CHRM3: variants seen among roughly 807,000 people sequenced by gnomAD.
CHRM3 encodes the protein muscarinic acetylcholine receptor M3.
A neutral mutation model predicts 41.8 loss-of-function variants in CHRM3; 11 were observed. The ratio of observed to expected loss-of-function variants is 0.26; its 90% CI spans 0.17 to 0.44. The LOEUF (loss-of-function observed/expected upper bound fraction) is 0.44, where lower values mean the gene tolerates loss of function less well. Ranked by LOEUF, CHRM3 falls within the 20% of genes least tolerant of loss-of-function variation. The probability of loss-of-function intolerance (pLI) is 1.00; values close to 1 mark genes in which losing one functional copy is unlikely to be tolerated. For missense variants in CHRM3, 571 were observed against 745.4 expected (o/e 0.77, Z 2.72); for synonymous variants, 297 against 301.4 (o/e 0.99, Z 0.15).
intron 6 of CHRM3, among the ~76,000 whole-genome samples, chr1:239,852,830 T>C (rs918317408): frequency 1.3e-5 from 2 of 152,154 alleles, no homozygotes; most frequent in East Asian, 3.9e-4. Context: ...TTACACTTAA[T>C]AGTATTATTA....
chr1:239,597,400 C>A (rs1157030462), intron 3 of CHRM3, among the ~76,000 whole-genome samples: 5 of 152,136 alleles, frequency 3.3e-5, no homozygotes, highest in Non-Finnish European at 7.3e-5. Flanking sequence ...CAGTAGCTAA[C>A]CTGTAGCAGA....
At chr1:239,867,702 C>A (rs1359627007) in intron 6 of CHRM3, among the ~76,000 whole-genome samples, 1 of 144,084 alleles carries the variant, frequency 6.9e-6, no homozygotes, top group Non-Finnish European at 1.5e-5. Flanking sequence ...AAAAAAAAGT[C>A]GTGTCCAGGT....
At chr1:239,513,274 T>C (rs887918077) in intron 2 of CHRM3, among the ~76,000 whole-genome samples, 2 of 152,192 alleles carry the variant, frequency 1.3e-5, no homozygotes, top group Non-Finnish European at 2.9e-5. Context: ...CCTTTTAAAA[T>C]TTTGTCTTTG....
chr1:239,673,442 A>G (rs1657616966), intron 4 of CHRM3, among the ~76,000 whole-genome samples: 1 of 152,212 alleles, frequency 6.6e-6, no homozygotes, highest in Non-Finnish European at 1.5e-5. Context: ...CCCTCCTCCA[A>G]TATCAAATAG....
intron 3 of CHRM3, among the ~76,000 whole-genome samples, chr1:239,583,507 CAG>C (rs982087840): frequency 6.6e-6 from 1 of 152,124 alleles, no homozygotes; most frequent in African/African-American, 2.4e-5. Context: ...GACGTCGACA[CAG>C]AGAGCTATGG....
intron 5 of CHRM3, among the ~76,000 whole-genome samples, chr1:239,679,287 C>CCTGCCT (rs1658327629): frequency 6.6e-6 from 1 of 152,106 alleles, no homozygotes; most frequent in African/African-American, 2.4e-5. Context: ...TAACAACTCA[C>CCTGCCT]CTGCCTCTGC....
chr1:239,443,761 A>G (rs1430024265), intron 1 of CHRM3, among the ~76,000 whole-genome samples: 1 of 152,198 alleles, frequency 6.6e-6, no homozygotes, highest in African/African-American at 2.4e-5. Flanking sequence ...ACTTTTCTTC[A>G]TTTTAGCATT....
chr1:239,770,087 T>C (rs1667537485), intron 5 of CHRM3, among the ~76,000 whole-genome samples: 1 of 152,188 alleles, frequency 6.6e-6, no homozygotes, highest in South Asian at 2.1e-4. Context: ...ACAAAAGCTC[T>C]ATATCAAAAT....
At chr1:239,518,563 T>C (rs1031223951) in intron 2 of CHRM3, among the ~76,000 whole-genome samples, 1 of 152,226 alleles carries the variant, frequency 6.6e-6, no homozygotes. Flanking sequence ...TCAATTTTTC[T>C]ATAGGCTTGA....
intron 1 of CHRM3, among the ~76,000 whole-genome samples, chr1:239,390,136 T>C (rs541730229): frequency 5.3e-5 from 8 of 152,248 alleles, no homozygotes; most frequent in Non-Finnish European, 1.2e-4. Context: ...CATAAGACTA[T>C]TGTAAAAGGT....
intron 5 of CHRM3, among the ~76,000 whole-genome samples, chr1:239,749,385 A>T (rs1223154898): frequency 6.6e-6 from 1 of 152,070 alleles, no homozygotes; most frequent in Non-Finnish European, 1.5e-5. Context: ...CTTGGAGGGT[A>T]GGTTGGGCAC....
chr1:239,543,257 G>A (rs1337187358), intron 2 of CHRM3, among the ~76,000 whole-genome samples: 1 of 152,140 alleles, frequency 6.6e-6, no homozygotes, highest in Non-Finnish European at 1.5e-5. Context: ...TTGTGGGCCC[G>A]ACATGAAGTG....
chr1:239,802,287 T>C (rs183491618), intron 5 of CHRM3, among the ~76,000 whole-genome samples: 4 of 152,290 alleles, frequency 2.6e-5, no homozygotes, highest in Admixed American at 1.3e-4. Context: ...GCATGTGCCA[T>C]AGAAAAAAAT....
Position 239,907,425 on chromosome 1 carries a change from T to C in CHRM3, c.-19-8T>C, listed in dbSNP as rs201920728. ...TTTCTAACTCTGTCTCTTCTCTCTT[T>C]CCCCCAGACTATGTCAGAGAGTCAC... On this transcript the variant is annotated splice_region_variant and splice_polypyrimidine_tract_variant and intron_variant, in intron 6 of 6. Transcript: ENST00000676153. This position sits in a 1 kb window ranked among gnomAD's most constrained non-coding sequence, Gnocchi z 5.4. The C allele has an allele frequency of 1.3e-6, 2 of 1,582,062 alleles. No individual in the cohort carries two copies. Among genetic ancestry groups the C allele is most frequent in the South Asian group, 2.3e-5 (2 of 87,198 alleles).
chr1:239,537,557 C>T (rs1360473831), intron 2 of CHRM3, among the ~76,000 whole-genome samples: 1 of 152,132 alleles, frequency 6.6e-6, no homozygotes, highest in Non-Finnish European at 1.5e-5. Flanking sequence ...TTTGGAGGGA[C>T]CTCCAAACTC....
chr1:239,440,389 G>A (rs1663622675), intron 1 of CHRM3, among the ~76,000 whole-genome samples: 1 of 152,146 alleles, frequency 6.6e-6, no homozygotes, highest in Non-Finnish European at 1.5e-5. Flanking sequence ...TTGGGTGGCT[G>A]AGGCCGATGG....
intron 2 of CHRM3, among the ~76,000 whole-genome samples, chr1:239,542,457 A>T (rs879143161): frequency 6.6e-6 from 1 of 152,136 alleles, no homozygotes; most frequent in Admixed American, 6.5e-5. Context: ...TTGGTTGGAG[A>T]TTAGTATTAG....
At chr1:239,728,190 T>C (rs1021963080) in intron 5 of CHRM3, among the ~76,000 whole-genome samples, 4 of 152,112 alleles carry the variant, frequency 2.6e-5, no homozygotes, top group East Asian at 2.0e-4. Context: ...GGAGCAAATA[T>C]GCTTCACTCT....
intron 1 of CHRM3, among the ~76,000 whole-genome samples, chr1:239,488,669 C>T (rs1667345578): frequency 7.7e-6 from 1 of 130,532 alleles, no homozygotes; most frequent in African/African-American, 2.9e-5. Flanking sequence ...GAGCCGAGAT[C>T]CCGCCACTGC....
Sources: gnomAD v4.1 joint callset for allele counts (sites outside exome capture counted in the v4.1 genomes callset) on GRCh38, gnomAD v4.1.1 for gene constraint, Gnocchi (gnomAD v3.1) non-coding constraint, MANE v1.5 for transcripts, NCBI Gene and HGNC (gene_info 2026-07-23, HGNC 2026-07-21) for gene names.